LRP1B: variants seen among roughly 807,000 people sequenced by gnomAD.
The protein encoded by LRP1B is LDL receptor related protein 1B.
LRP1B carries 217 observed loss-of-function variants against 556.6 expected under a neutral mutation model. The ratio of observed to expected loss-of-function variants is 0.39; its 90% confidence interval spans 0.35 to 0.44. The LOEUF is 0.44. Among genes scored for constraint, LRP1B ranks in the 20% least tolerant of loss-of-function variants. The probability of loss-of-function intolerance (pLI) is 1.00; values close to 1 mark genes in which losing one functional copy is unlikely to be tolerated. For missense variants in LRP1B, 5,053 were observed against 5,620.8 expected, an observed-to-expected ratio of 0.90 and a Z score of 3.23; for synonymous variants, 2,047 against 1,865.8, an observed-to-expected ratio of 1.10 and a Z score of -2.50.
In LRP1B at chr2:141,544,319, C is replaced by CTTCTTCTTCTTCTTCTTCTTCTTCTTCTT. The variant is rs1574064185; in HGVS notation, c.206-63815_206-63787dup. 1.4e-3 allele frequency among the ~76,000 whole-genome samples: 60 copies of CTTCTTCTTCTTCTTCTTCTTCTTCTTCTT among 42,936 alleles called. 1 individual carries two copies. The highest frequency in any genetic ancestry group is 4.1e-3 in the African/African-American group (35 of 8,482). 28.2% of individuals were successfully genotyped at this position (42,936 alleles called of 152,430 possible). A position where few individuals can be genotyped will look rare whatever the true frequency, so the allele number is the denominator to read the frequency against. ...CACTCTTCTTCTTCTTCTTCTTCTT[C>CTTCTTCTTCTTCTTCTTCTTCTTCTTCTT]TTCTTCTTCTTCTTCTTCTTCTTCT... On this transcript the variant is annotated intron_variant, in intron 2 of 90. Transcript: ENST00000389484.
intron 1 of LRP1B, among the ~76,000 whole-genome samples, chr2:141,834,266 G>T (rs1368606558): frequency 6.6e-6 from 1 of 151,786 alleles, no homozygotes; most frequent in Non-Finnish European, 1.5e-5. Flanking sequence ...AGAACTTAAT[G>T]AACACTTCGG....
intron 86 of LRP1B, among the ~76,000 whole-genome samples, chr2:140,260,572 C>T (rs1681889558): frequency 6.6e-6 from 1 of 151,468 alleles, no homozygotes; most frequent in African/African-American, 2.4e-5. Flanking sequence ...GGGTCATATG[C>T]TTTATATATA....
chr2:140,487,893 A>G (rs990759233), intron 57 of LRP1B, among the ~76,000 whole-genome samples, 154 bp from the exon 58 acceptor site: 49 of 151,978 alleles, frequency 3.2e-4, no homozygotes, highest in African/African-American at 1.2e-3. Flanking sequence ...TAAAAGTATC[A>G]TATATTCACA....
chr2:140,703,793 T>C (rs918918628), intron 37 of LRP1B, among the ~76,000 whole-genome samples: 5 of 152,144 alleles, frequency 3.3e-5, no homozygotes, highest in Non-Finnish European at 4.4e-5. Flanking sequence ...CCTGCATCAA[T>C]TCATTTAGGT....
Position 140,728,689 on chromosome 2 carries a change from A to G in LRP1B, c.5759-11873T>C, listed in dbSNP as rs143037964. Among the ~76,000 whole-genome samples the G allele has an allele frequency of 5.6e-4, 86 of 152,262 alleles. 2 individuals are homozygous for G. The East Asian group carries it at 0.016, about 29-fold the overall frequency. ...AACAAATATGTTTGAATTTTTTTCC[A>G]TCATCATCCCTGGTGAAAAAAATAA... On this transcript the variant is annotated intron_variant, in intron 35 of 90. Transcript: ENST00000389484.
At chr2:140,877,411 T>C (rs181483902) in intron 25 of LRP1B, among the ~76,000 whole-genome samples, 17 of 152,210 alleles carry the variant, frequency 1.1e-4, no homozygotes, top group East Asian at 3.9e-4. Flanking sequence ...ATCATAGCCA[T>C]AAGAGATCAG....
intron 7 of LRP1B, among the ~76,000 whole-genome samples, chr2:141,138,955 T>C (rs764382965): frequency 8.6e-5 from 13 of 151,856 alleles, no homozygotes; most frequent in Non-Finnish European, 1.6e-4. Context: ...GTGCCTAATT[T>C]TAAGAATTGA....
intron 1 of LRP1B, among the ~76,000 whole-genome samples, chr2:142,090,314 C>G (rs1340675622): frequency 6.6e-6 from 1 of 152,066 alleles, no homozygotes; most frequent in Non-Finnish European, 1.5e-5. Context: ...CAGATACATA[C>G]TCTTCACCTA....
At chr2:140,494,563 C>T (rs1486554391) in intron 56 of LRP1B, among the ~76,000 whole-genome samples, 6 of 145,964 alleles carry the variant, frequency 4.1e-5, no homozygotes, top group South Asian at 2.2e-4. Context: ...GCTAAGATCG[C>T]GCCACTGCAC....
chr2:141,213,119 T>A (rs1165905666), intron 6 of LRP1B, among the ~76,000 whole-genome samples: 1 of 114,008 alleles, frequency 8.8e-6, no homozygotes, highest in Non-Finnish European at 1.7e-5. Context: ...GCTAATTAAT[T>A]TTTTTTTTTT....
chr2:141,842,098 G>C (rs1434533676), intron 1 of LRP1B, among the ~76,000 whole-genome samples: 1 of 152,016 alleles, frequency 6.6e-6, no homozygotes, highest in Non-Finnish European at 1.5e-5. Context: ...GTTGCTAACT[G>C]GACGACTGTC....
intron 2 of LRP1B, among the ~76,000 whole-genome samples, chr2:141,544,038 T>C (rs1685366192): frequency 6.6e-6 from 1 of 152,140 alleles, no homozygotes; most frequent in Non-Finnish European, 1.5e-5. Flanking sequence ...TAAAAATCTC[T>C]ACTGGAATCA....
At chr2:141,652,880 C>T (rs1689852405) in intron 2 of LRP1B, among the ~76,000 whole-genome samples, 2 of 152,146 alleles carry the variant, frequency 1.3e-5, no homozygotes, top group Admixed American at 1.3e-4. Flanking sequence ...ATAAGGCTTA[C>T]TTGACAGTTG....
rs190810633 is a variant in LRP1B at position 142,127,263 on chromosome 2, A to C, written c.82+3385T>G. 8.5e-5 allele frequency among the ~76,000 whole-genome samples: 13 copies of C among 152,080 alleles called. No individual in the cohort carries two copies. In the East Asian group the frequency reaches 1.2e-3, roughly 14 times the overall value. ...ATTTTTATACTGTAAATATTTTCAT[A>C]TAATGTTTTTAATAATGAGATAAAA... On this transcript the variant is annotated intron_variant, in intron 1 of 90. Coordinates refer to ENST00000389484, the MANE Select transcript of LRP1B (RefSeq NM_018557.3).
intron 1 of LRP1B, among the ~76,000 whole-genome samples, chr2:141,965,028 A>C (rs1701516206): frequency 7.2e-6 from 1 of 139,030 alleles, no homozygotes; most frequent in Non-Finnish European, 1.6e-5. Flanking sequence ...GAGAAATGCA[A>C]ATCAAAACCA....
intron 3 of LRP1B, among the ~76,000 whole-genome samples, chr2:141,410,239 T>C (rs1161040328): frequency 6.6e-6 from 1 of 152,014 alleles, no homozygotes; most frequent in African/African-American, 2.4e-5. Context: ...ACCATCCCCA[T>C]TGTAGGGCAC....
chr2:140,442,449 T>A (rs1686470588), intron 66 of LRP1B, 55 bp downstream of exon 66: 2 of 1,570,870 alleles, frequency 1.3e-6, no homozygotes, highest in Non-Finnish European at 1.7e-6. Flanking sequence ...ACTGTGGTTG[T>A]CGCAGATGAT....
At chr2:140,353,156 AT>A in intron 75 of LRP1B, 84 bp from the exon 76 acceptor site, 1 of 1,402,756 alleles carries the variant, frequency 7.1e-7, no homozygotes, top group Non-Finnish European at 9.8e-7. Flanking sequence ...AGCCAAAATT[AT>A]TTTTAACTTA....
At chr2:141,525,252 T>C (rs1374618571) in intron 2 of LRP1B, among the ~76,000 whole-genome samples, 1 of 152,026 alleles carries the variant, frequency 6.6e-6, no homozygotes, top group Non-Finnish European at 1.5e-5. Context: ...AGGGAAAACC[T>C]GGAGAGAAGA....
Sources: gnomAD v4.1 joint callset for allele counts (sites outside exome capture counted in the v4.1 genomes callset) on GRCh38, gnomAD v4.1.1 for gene constraint, MANE v1.5 for transcripts, NCBI Gene and HGNC (gene_info 2026-07-23, HGNC 2026-07-21) for gene names.